SYNPR: variants seen among roughly 807,000 people sequenced by gnomAD.
SYNPR encodes the protein synaptoporin.
In SYNPR, 23 loss-of-function variants were observed where a neutral mutation model predicts 32.9. The ratio of observed to expected loss-of-function variants is 0.70; its 90% CI spans 0.50 to 0.99. SYNPR has a LOEUF of 0.99. Ranked by LOEUF, SYNPR falls within the 50% of genes least tolerant of loss-of-function variation. SYNPR has a pLI of 0.00. For missense variants in SYNPR, 318 were observed against 349.3 expected (o/e 0.91, Z 0.71); for synonymous variants, 146 against 135.9 (o/e 1.07, Z -0.52).
chr3:63,354,227 G>A (rs1189144559), intron 2 of SYNPR, among the ~76,000 whole-genome samples: 1 of 152,048 alleles, frequency 6.6e-6, no homozygotes, highest in Non-Finnish European at 1.5e-5. Flanking sequence ...CATAAATAAG[G>A]GGCAACTGGG....
intron 2 of SYNPR, among the ~76,000 whole-genome samples, chr3:63,340,481 G>GCA (rs1560197848): frequency 6.8e-6 from 1 of 146,152 alleles, no homozygotes; most frequent in African/African-American, 2.5e-5. Flanking sequence ...GTGCAGTGGC[G>GCA]GGATCTCGGC....
At chr3:63,560,702 G>A (rs1367374528) in intron 4 of SYNPR, among the ~76,000 whole-genome samples, 1 of 152,166 alleles carries the variant, frequency 6.6e-6, no homozygotes, top group Non-Finnish European at 1.5e-5. Context: ...CCTCTTCATA[G>A]GGCAGACAAA....
intron 3 of SYNPR, among the ~76,000 whole-genome samples, chr3:63,539,598 T>G (rs1397789920): frequency 6.6e-6 from 1 of 152,056 alleles, no homozygotes. Flanking sequence ...GAGTAACAAC[T>G]TTAAAAATGG....
intron 2 of SYNPR, among the ~76,000 whole-genome samples, chr3:63,339,073 C>T (rs1353534808): frequency 2.6e-5 from 4 of 152,168 alleles, no homozygotes; most frequent in African/African-American, 9.7e-5. Context: ...CTTAGATTCA[C>T]CTCTATTACC....
intron 3 of SYNPR, among the ~76,000 whole-genome samples, chr3:63,523,538 C>G (rs1701951523): frequency 6.6e-6 from 1 of 152,112 alleles, no homozygotes; most frequent in Non-Finnish European, 1.5e-5. Context: ...TAGTAACCAT[C>G]AGAACCCTGA....
At chr3:63,209,950 G>C in the SYNPR span, among the ~76,000 whole-genome samples, 1 of 152,066 alleles carries the variant, frequency 6.6e-6, no homozygotes, top group Non-Finnish European at 1.5e-5. Flanking sequence ...AGAAATATTT[G>C]TTGGATGAAT....
intron 3 of SYNPR, among the ~76,000 whole-genome samples, chr3:63,536,492 C>A (rs1702211112): frequency 6.6e-6 from 1 of 152,170 alleles, no homozygotes; most frequent in Non-Finnish European, 1.5e-5. Flanking sequence ...AACTGAATTT[C>A]TCTTACATTG....
chr3:63,388,634 G>T (rs1208229640), intron 2 of SYNPR, among the ~76,000 whole-genome samples: 1 of 150,840 alleles, frequency 6.6e-6, no homozygotes. Context: ...GTTGGCCAGG[G>T]TGGTCTTGAT....
At chr3:63,342,504 T>C (rs994117615) in intron 2 of SYNPR, among the ~76,000 whole-genome samples, 2 of 152,232 alleles carry the variant, frequency 1.3e-5, no homozygotes, top group Non-Finnish European at 2.9e-5. Flanking sequence ...TCTTACATCA[T>C]TGGATTCAGT....
upstream of SYNPR, among the ~76,000 whole-genome samples, chr3:63,226,978 A>G (rs2086133354): frequency 6.6e-6 from 1 of 152,238 alleles, no homozygotes; most frequent in Admixed American, 6.5e-5. Flanking sequence ...CATGTACTTC[A>G]TAAATATGTA....
At chr3:63,386,827 A>G (rs1283682110) in intron 2 of SYNPR, among the ~76,000 whole-genome samples, 1 of 152,226 alleles carries the variant, frequency 6.6e-6, no homozygotes, top group Non-Finnish European at 1.5e-5. Flanking sequence ...GCTGTAGGTC[A>G]GCACAGAAAG....
chr3:63,435,836 A>G (rs542388689), intron 2 of SYNPR, among the ~76,000 whole-genome samples: 4 of 152,334 alleles, frequency 2.6e-5, no homozygotes, highest in Admixed American at 2.0e-4. Flanking sequence ...ACCTACCTTT[A>G]TAATTAAGAA....
chr3:63,590,030 C>T (rs200653597), intron 4 of SYNPR, among the ~76,000 whole-genome samples: 2 of 1,718 alleles, frequency 1.2e-3, no homozygotes, highest in Admixed American at 4.5e-3. Context: ...TGTTTGCAGA[C>T]GACATGATTG....
rs757862772 is a variant in SYNPR at position 63,609,284 on chromosome 3, A to G, written c.568A>G (p.Ser190Gly). 22 of 1,597,746 alleles carry G rather than the reference A, an allele frequency of 1.4e-5. No homozygotes were observed. The highest frequency in any genetic ancestry group is 3.5e-5 in the Admixed American group (2 of 57,694). The change falls in exon 5 of 6, where the codon AGC (serine) becomes GGC (glycine). Residue 190 changes from serine (S) to glycine (G), a missense_variant. Coordinates refer to ENST00000478300, the MANE Select transcript of SYNPR (RefSeq NM_001130003.2). Reference protein sequence around the residue: ...QPSNKCMAIHSPVMSSLNTSV... With the variant: ...QPSNKCMAIHGPVMSSLNTSV... Reference sequence around the variant, plus strand: ...ATCCAACAAATGCATGGCTATCCACAGCCCTGTTATGTCAAGCTTAAACAC... The same window carrying G: ...ATCCAACAAATGCATGGCTATCCACGGCCCTGTTATGTCAAGCTTAAACAC...
chr3:63,259,637 G>A (rs940497039), intron 2 of SYNPR, among the ~76,000 whole-genome samples: 1 of 152,138 alleles, frequency 6.6e-6, no homozygotes, highest in South Asian at 2.1e-4. Context: ...GGCAAAAACT[G>A]GAAGAATTCC....
At chr3:63,569,519 G>T (rs1702849546) in intron 4 of SYNPR, among the ~76,000 whole-genome samples, 1 of 152,202 alleles carries the variant, frequency 6.6e-6, no homozygotes, top group Non-Finnish European at 1.5e-5. Flanking sequence ...GTTCTAAGGA[G>T]CCTGACATTA....
intron 3 of SYNPR, among the ~76,000 whole-genome samples, chr3:63,484,595 G>A (rs1226886173): frequency 6.6e-6 from 1 of 152,092 alleles, no homozygotes; most frequent in Non-Finnish European, 1.5e-5. Context: ...GAACAGACCT[G>A]CAAACACTTA....
intron 2 of SYNPR, among the ~76,000 whole-genome samples, chr3:63,317,074 T>C (rs1481173820): frequency 7.2e-6 from 1 of 138,956 alleles, no homozygotes; most frequent in Non-Finnish European, 1.7e-5. Context: ...TTTCCAGTTT[T>C]ATTCCACTGT....
chr3:63,533,370 GGGAA>G (rs1405920769), intron 3 of SYNPR, among the ~76,000 whole-genome samples: 7 of 152,142 alleles, frequency 4.6e-5, no homozygotes, highest in Non-Finnish European at 2.9e-5. Flanking sequence ...AGAATTTCAA[GGGAA>G]TTTAGGAGTG....
Sources: gnomAD v4.1 joint callset for allele counts (sites outside exome capture counted in the v4.1 genomes callset) on GRCh38, gnomAD v4.1.1 for gene constraint, MANE v1.5 for transcripts, NCBI Gene and HGNC (gene_info 2026-07-23, HGNC 2026-07-21) for gene names.